The following ACAP3 variants were observed in gnomAD, a reference collection of about 807,000 sequenced individuals.
ACAP3 encodes arf-GAP with coiled-coil, ANK repeat and PH domain-containing protein 3.
A neutral mutation model predicts 104.1 loss-of-function variants in ACAP3; 56 were observed. The ratio of observed to expected loss-of-function variants is 0.54; its 90% CI spans 0.43 to 0.67. The LOEUF (loss-of-function observed/expected upper bound fraction) is 0.67, where lower values mean the gene tolerates loss of function less well. Ranked by LOEUF, ACAP3 falls within the 30% of genes least tolerant of loss-of-function variation. The pLI is 0.00. For synonymous variants in ACAP3, 628 were observed against 496.2 expected (o/e 1.27, Z -3.53); for missense variants, 1,208 against 1,174.9 (o/e 1.03, Z -0.41).
At chr1:1,299,649 C>T (rs967719870) in intron 9 of ACAP3, 182 bp downstream of exon 9, 3 of 777,844 alleles carry the variant, frequency 3.9e-6, no homozygotes, top group Non-Finnish European at 6.1e-6. Flanking sequence ...GCGGCCCCAC[C>T]CACACGTGCC....
In ACAP3 at chr1:1,307,926, G is replaced by T; in HGVS notation, c.-111C>A. On this transcript the variant is annotated 5_prime_UTR_variant, in exon 1 of 24. Transcript: ENST00000354700. ...CGCCGCCTCGGCGCCCGCCCGCCCC[G>T]GAATGAGGCCGCCGCGCCGCGCCCC... is the stretch of plus-strand genomic sequence containing the variant. 1 of 512,284 alleles carries T rather than the reference G, an allele frequency of 2.0e-6. No homozygotes were observed. The highest frequency in any genetic ancestry group is 2.5e-6 in the Non-Finnish European group (1 of 401,234). The allele number at this position is 512,284 out of a possible 1,614,324, so 31.7% of individuals were successfully genotyped here.
At chr1:1,297,148 C>CGT (rs747328754) in intron 14 of ACAP3, among the ~76,000 whole-genome samples, 7 of 145,276 alleles carry the variant, frequency 4.8e-5, no homozygotes, top group African/African-American at 1.9e-4. Flanking sequence ...CCCAGTGGCA[C>CGT]GTGTGTGTGT....
intron 5 of ACAP3, 133 bp from the exon 6 acceptor site, chr1:1,300,825 G>A: frequency 1.1e-6 from 1 of 879,532 alleles, no homozygotes; most frequent in South Asian, 1.7e-5. Context: ...AGGCTGGAGT[G>A]CAATGGTGCT....
At chr1:1,296,774 C>A (rs1233257184) in intron 14 of ACAP3, 141 bp from the exon 15 acceptor site, 4 of 875,922 alleles carry the variant, frequency 4.6e-6, no homozygotes, top group Non-Finnish European at 7.0e-6. Flanking sequence ...TACACGCGCA[C>A]ACCCTCACGT....
At chr1:1,294,939 C>T (rs995461007) in intron 19 of ACAP3, 123 bp from the exon 20 acceptor site, 4 of 929,792 alleles carry the variant, frequency 4.3e-6, no homozygotes, top group Non-Finnish European at 6.4e-6. Context: ...GACCAGCTCC[C>T]ACCCAGGGCC....
Position 1,303,545 on chromosome 1 carries a change from A to G in ACAP3, c.106-264T>C, listed in dbSNP as rs920804243. ...CAGGGGACCCAGGGCCAGCAGGACC[A>G]GCAGAACCAGCCCATGTGGGGCTCA... On this transcript the variant is annotated intron_variant, in intron 2 of 23. Coordinates refer to ENST00000354700, the MANE Select transcript of ACAP3 (RefSeq NM_030649.3). The surrounding 1 kb of genome is among the most constrained non-coding windows in gnomAD (Gnocchi z 4.0). The G allele has an allele frequency of 7.0e-6, 4 of 568,446 alleles. No homozygotes were observed. The highest frequency in any genetic ancestry group is 1.2e-5 in the Non-Finnish European group (4 of 320,194). The allele number at this position is 568,446 out of a possible 1,614,324, so 35.2% of individuals were successfully genotyped here. A position where few individuals can be genotyped will look rare whatever the true frequency, so the allele number is the denominator to read the frequency against.
chr1:1,306,626 C>G (rs1162053662), intron 1 of ACAP3, among the ~76,000 whole-genome samples: 2 of 152,210 alleles, frequency 1.3e-5, no homozygotes, highest in African/African-American at 2.4e-5. Context: ...CACACACATG[C>G]TGACTTGCCA....
chr1:1,303,168 G>A lies in ACAP3; in HGVS notation c.219C>T (p.Val73=), dbSNP rs1439093968. The A allele has an allele frequency of 6.2e-7, 1 of 1,601,090 alleles. No individual in the cohort carries two copies. The highest frequency in any genetic ancestry group is 2.3e-5 in the East Asian group (1 of 44,320). ...AGGTCAGTCGGCCCCTCACCGAGAT[G>A]ACGGTGTCGCCCTGGCACTGCTGGG... is the stretch of plus-strand genomic sequence containing the variant. ...DLSQQCQGDT[V]ISECLQRFAD... The change falls in exon 3 of 24, where the codon GTC becomes GTT. Residue 73 remains valine, a synonymous_variant. Transcript: ENST00000354700. This position sits in a 1 kb window ranked among gnomAD's most constrained non-coding sequence, Gnocchi z 4.0.
intron 1 of ACAP3, chr1:1,305,639 C>A (rs1641658726): frequency 6.6e-6 from 1 of 152,410 alleles, no homozygotes; most frequent in East Asian, 1.9e-4. Flanking sequence ...GCTCTCCCTT[C>A]CTCAGTCCTG....
intron 6 of ACAP3, 126 bp from the exon 7 acceptor site, chr1:1,300,328 G>T (rs1203030355): frequency 1.5e-6 from 2 of 1,310,290 alleles, no homozygotes; most frequent in Non-Finnish European, 1.0e-6. Context: ...TCAGCTCCCA[G>T]CTCTGGGCCA....
chr1:1,293,967 G>A (rs954698795), intron 22 of ACAP3, 34 bp from the exon 23 acceptor site: 2 of 1,494,164 alleles, frequency 1.3e-6, no homozygotes, highest in Non-Finnish European at 1.8e-6. Flanking sequence ...GTGTCGGGGC[G>A]GGGCGGGGCG....
In ACAP3 at chr1:1,304,076, C is replaced by T. The variant is rs367647116; in HGVS notation, c.105+10G>A. 2.0e-5 allele frequency: 31 copies of T among 1,550,576 alleles called. No individual in the cohort carries two copies. Among genetic ancestry groups the T allele is most frequent in the East Asian group, 7.3e-5 (3 of 40,926 alleles). Reference sequence around the variant, plus strand: ...GGCCGGGCACAGGGCGCTCCAGGCCCGCCCTTCACCTTGTCCAGTTTGGCC... The same window carrying T: ...GGCCGGGCACAGGGCGCTCCAGGCCTGCCCTTCACCTTGTCCAGTTTGGCC... On this transcript the variant is annotated intron_variant, in intron 2 of 23. Transcript: ENST00000354700.
chr1:1,300,165 A>G lies in ACAP3; in HGVS notation c.560T>C (p.Leu187Pro), dbSNP rs1292498595. The part of the protein sequence containing the change: ...VLQAKKKFEI[L>P]DSMLSFMHAQ... ...CAGCCCCCACGCACTCACAGAGTCC[A>G]GGATCTCAAACTTCTTCTTGGCCTG... The change falls in exon 7 of 24, where the codon CTG (leucine) becomes CCG (proline). Residue 187 changes from leucine to proline, a missense_variant. Transcript: ENST00000354700. 1 of 1,610,588 alleles carries G rather than the reference A, an allele frequency of 6.2e-7. No homozygotes were observed. Among genetic ancestry groups the G allele is most frequent in the East Asian group, 2.2e-5 (1 of 44,858 alleles).
rs1640932110 is a variant in ACAP3 at position 1,293,485 on chromosome 1, G to A, written c.*79C>T. ...ACCCGCGGGTCACACGCAGGGCCGC[G>A]GCCGGGTGGGCGCCAGGGACTTCGG... is the stretch of plus-strand genomic sequence containing the variant. On this transcript the variant is annotated 3_prime_UTR_variant, in exon 24 of 24. Coordinates refer to ENST00000354700, the MANE Select transcript of ACAP3 (RefSeq NM_030649.3). 11 of 1,316,524 alleles carry A rather than the reference G, an allele frequency of 8.4e-6. No homozygotes were observed. The highest frequency in any genetic ancestry group is 1.7e-5 in the South Asian group (1 of 57,408). The allele number at this position is 1,316,524 out of a possible 1,614,324, so 81.6% of individuals were successfully genotyped here. A position where few individuals can be genotyped will look rare whatever the true frequency, so the allele number is the denominator to read the frequency against.
chr1:1,307,387 G>A (rs753481354), intron 1 of ACAP3: 4 of 1,290,750 alleles, frequency 3.1e-6, no homozygotes, highest in South Asian at 2.5e-5. Context: ...CGCTGCTCTG[G>A]ACACAGGATC....
intron 18 of ACAP3, 70 bp downstream of exon 18, chr1:1,295,666 A>C: frequency 6.4e-7 from 1 of 1,551,508 alleles, no homozygotes; most frequent in Non-Finnish European, 8.7e-7. Flanking sequence ...CCCTGCCACC[A>C]GCCCCTTGAC....
chr1:1,302,913 C>G lies in ACAP3; in HGVS notation c.279+9G>C. On this transcript the variant is annotated intron_variant, in intron 4 of 23. Coordinates refer to ENST00000354700, the MANE Select transcript of ACAP3 (RefSeq NM_030649.3). ...CACAGCCCACAGGTGGCAGGGAGGC[C>G]GCGCTCACCATGTGGTAGTTCACCA... The G allele has an allele frequency of 6.2e-7, 1 of 1,610,088 alleles. No individual in the cohort carries two copies. The highest frequency in any genetic ancestry group is 8.5e-7 in the Non-Finnish European group (1 of 1,178,708).
rs1490568653 is a variant in ACAP3, at chr1:1,298,697, G to C, written c.751-18C>G. ...GAGAAGTCCTGGGGGGATGGAACCC[G>C]CCCCCTCAGTGCCCACCCCAGGGGC... On this transcript the variant is annotated intron_variant, in intron 10 of 23. Transcript: ENST00000354700. The C allele has an allele frequency of 1.3e-6, 2 of 1,584,432 alleles. No homozygotes were observed. Among genetic ancestry groups the C allele is most frequent in the Non-Finnish European group, 1.7e-6 (2 of 1,154,762 alleles).
Position 1,297,871 on chromosome 1 carries a change from G to T in ACAP3, c.1079C>A (p.Ala360Asp). The change falls in exon 14 of 24, where the codon GCC becomes GAC. Residue 360 changes from alanine to aspartate, a missense_variant. Physicochemically the swap from Ala to Asp is moderately radical, Grantham distance 126 (BLOSUM62 -2). Coordinates refer to ENST00000354700, the MANE Select transcript of ACAP3 (RefSeq NM_030649.3). ...CTCGCGGTAGGCGGAGGCGATGCTG[G>T]CCTGCACAGCCTGGACCCAGGCTTG... ...LRQAWVQAVQASIASAYRESP... is the reference protein window; with the variant it reads ...LRQAWVQAVQDSIASAYRESP... The T allele has an allele frequency of 1.2e-6, 2 of 1,612,050 alleles. No individual in the cohort carries two copies. The highest frequency in any genetic ancestry group is 1.7e-6 in the Non-Finnish European group (2 of 1,179,528).
Sources: allele counts gnomAD v4.1 joint callset (sites outside exome capture counted in the v4.1 genomes callset), GRCh38; gene constraint gnomAD v4.1.1; non-coding constraint Gnocchi (gnomAD v3.1); transcripts MANE v1.5; gene names NCBI Gene and HGNC (gene_info 2026-07-23, HGNC 2026-07-21).